The following FMNL2 variants were observed in gnomAD, a reference collection of about 807,000 sequenced individuals.
The protein encoded by FMNL2 is formin like 2, also known as formin-like protein 2.
FMNL2 carries 51 observed loss-of-function variants against 130.2 expected under a neutral mutation model. That is an observed-to-expected ratio of 0.39 (90% CI 0.31 to 0.49). The LOEUF is 0.49. Among genes scored for constraint, FMNL2 ranks in the 20% least tolerant of loss-of-function variants. FMNL2 has a pLI of 0.85. For missense variants in FMNL2, 977 were observed against 1,316.2 expected, an observed-to-expected ratio of 0.74 and a Z score of 3.99; for synonymous variants, 465 against 467.1, an observed-to-expected ratio of 1.00 and a Z score of 0.06.
Position 152,534,618 on chromosome 2 carries a change from C to G in FMNL2, c.202-8121C>G, listed in dbSNP as rs188419470. Among the ~76,000 whole-genome samples the G allele has an allele frequency of 7.9e-3, 1,172 of 149,114 alleles. 7 individuals are homozygous for G. The highest frequency in any genetic ancestry group is 0.015 in the Non-Finnish European group (1,001 of 67,450). On this transcript the variant is annotated intron_variant, in intron 2 of 25. Coordinates refer to ENST00000288670, the MANE Select transcript of FMNL2 (RefSeq NM_052905.4). The stretch of plus-strand genomic sequence containing the variant: ...TTTTGAACTCTGTTCTCTCCCAACC[C>G]CTAATGTTTTATTTGTATGATACAT...
chr2:152,399,815 T>C (rs891097096), intron 1 of FMNL2, among the ~76,000 whole-genome samples: 2 of 152,302 alleles, frequency 1.3e-5, no homozygotes, highest in Non-Finnish European at 2.9e-5. Flanking sequence ...AGTGTTTCTA[T>C]ATGTATTAGA....
chr2:152,602,241 C>G (rs1458274682), intron 9 of FMNL2, among the ~76,000 whole-genome samples: 1 of 152,132 alleles, frequency 6.6e-6, no homozygotes, highest in East Asian at 1.9e-4. Flanking sequence ...AGTCTCTGGT[C>G]CAGGATTGGA....
At chr2:152,562,633 G>A (rs1695593755) in intron 6 of FMNL2, among the ~76,000 whole-genome samples, 1 of 152,164 alleles carries the variant, frequency 6.6e-6, no homozygotes, top group South Asian at 2.1e-4. Context: ...TAAGAGCAGT[G>A]TTTCAATTCA....
At chr2:152,412,447 TATATATATATATATATATA>T (rs1686348910) in intron 1 of FMNL2, among the ~76,000 whole-genome samples, 4 of 8,264 alleles carry the variant, frequency 4.8e-4, no homozygotes, top group Non-Finnish European at 1.3e-3. Context: ...CTGTATATTT[TATATATATATATATATATA>T]TATATATATA....
rs141915638 is a variant in FMNL2 at position 152,353,276 on chromosome 2, A to C, written c.117+17556A>C. Among the ~76,000 whole-genome samples, 44 of 152,330 alleles carry C rather than the reference A, an allele frequency of 2.9e-4. 1 individual carries two copies. The East Asian group carries it at 3.7e-3, about 13-fold the overall frequency. On this transcript the variant is annotated intron_variant, in intron 1 of 25. Coordinates refer to ENST00000288670, the MANE Select transcript of FMNL2 (RefSeq NM_052905.4). Reference sequence around the variant, plus strand: ...CAACTTACTTTGGCTGAAGGTTATAATACATAATTGCATGAATTCTGCTCT... The same window carrying C: ...CAACTTACTTTGGCTGAAGGTTATACTACATAATTGCATGAATTCTGCTCT...
intron 1 of FMNL2, among the ~76,000 whole-genome samples, chr2:152,376,265 C>T (rs139312164): frequency 0.011 from 1,724 of 152,174 alleles, 18 homozygotes; most frequent in Non-Finnish European, 0.014. Flanking sequence ...AGTTGGTGGA[C>T]GTTTAAATTG....
At chr2:152,373,346 G>A (rs1401938632) in intron 1 of FMNL2, among the ~76,000 whole-genome samples, 1 of 152,090 alleles carries the variant, frequency 6.6e-6, no homozygotes, top group African/African-American at 2.4e-5. Flanking sequence ...ATGAACAGTT[G>A]GGGGGAGTTT....
intron 1 of FMNL2, among the ~76,000 whole-genome samples, chr2:152,411,809 C>T (rs1686304763): frequency 6.6e-6 from 1 of 152,140 alleles, no homozygotes; most frequent in Admixed American, 6.5e-5. Flanking sequence ...GCACATGGTA[C>T]CCTTTTATTG....
Position 152,462,663 on chromosome 2 carries a change from C to T in FMNL2, c.118-59280C>T, listed in dbSNP as rs1223257483. 2.0e-5 allele frequency among the ~76,000 whole-genome samples: 3 copies of T among 152,184 alleles called. No homozygotes were observed. The South Asian group carries it at 6.2e-4, about 32-fold the overall frequency. On this transcript the variant is annotated intron_variant, in intron 1 of 25. Coordinates refer to ENST00000288670, the MANE Select transcript of FMNL2 (RefSeq NM_052905.4). Reference sequence around the variant, plus strand: ...TGTGTTTGCTAGATTCCTAAGACTACTACATATATACTCTTAATTGATCAT... The same window carrying T: ...TGTGTTTGCTAGATTCCTAAGACTATTACATATATACTCTTAATTGATCAT...
At chr2:152,376,582 G>A (rs1221417043) in intron 1 of FMNL2, among the ~76,000 whole-genome samples, 1 of 152,196 alleles carries the variant, frequency 6.6e-6, no homozygotes, top group African/African-American at 2.4e-5. Flanking sequence ...GTGCAGTGTG[G>A]CCTTGGGCAA....
intron 1 of FMNL2, among the ~76,000 whole-genome samples, chr2:152,456,346 A>T (rs1263133493): frequency 6.6e-6 from 1 of 152,198 alleles, no homozygotes; most frequent in African/African-American, 2.4e-5. Context: ...AGTGAGTCAG[A>T]AGCAAGAAGA....
At chr2:152,585,920 CAAAAAAAAAAA>C (rs34744900) in intron 9 of FMNL2, among the ~76,000 whole-genome samples, 2 of 130,002 alleles carry the variant, frequency 1.5e-5, no homozygotes, top group Non-Finnish European at 3.3e-5. Context: ...AAAGGTTTGG[CAAAAAAAAAAA>C]AAAAAAATGC....
intron 9 of FMNL2, among the ~76,000 whole-genome samples, chr2:152,589,973 A>G (rs372393945): frequency 0.42 from 16,369 of 39,122 alleles, 1,821 homozygotes; most frequent in Non-Finnish European, 0.44. Flanking sequence ...ATATATATAT[A>G]TATATATATA....
chr2:152,625,051 A>G (rs1173860328), intron 15 of FMNL2: 2 of 165,316 alleles, frequency 1.2e-5, no homozygotes, highest in Non-Finnish European at 2.6e-5. Flanking sequence ...ATGTCCAAAT[A>G]TGGCAAGTTT....
rs55900043 is a variant in FMNL2, at chr2:152,551,781, C to T, written c.359+2684C>T. Among the ~76,000 whole-genome samples, 261 of 152,162 alleles carry T rather than the reference C, an allele frequency of 1.7e-3. 2 individuals carry two copies. The highest frequency in any genetic ancestry group is 6.0e-3 in the African/African-American group (251 of 41,524). ...CTGTATTCCCAGTACTTTGGGAGGCCGAGGCAGGACGATTACTTGAGCCCA... is the reference window on the plus strand; with the variant it reads ...CTGTATTCCCAGTACTTTGGGAGGCTGAGGCAGGACGATTACTTGAGCCCA... On this transcript the variant is annotated intron_variant, in intron 4 of 25. Transcript: ENST00000288670.
chr2:152,592,919 A>C (rs1001719402), intron 9 of FMNL2, among the ~76,000 whole-genome samples: 6 of 152,162 alleles, frequency 3.9e-5, no homozygotes, highest in African/African-American at 1.4e-4. Flanking sequence ...TAGAGATTGG[A>C]TAGATTATTG....
At chr2:152,632,463 C>A (rs574415564) in intron 21 of FMNL2, among the ~76,000 whole-genome samples, 195 of 152,324 alleles carry the variant, frequency 1.3e-3, no homozygotes, top group Non-Finnish European at 2.2e-3. Context: ...CATCACCCAA[C>A]AAACACTTTT....
intron 2 of FMNL2, among the ~76,000 whole-genome samples, chr2:152,534,107 C>G (rs543905554): frequency 3.2e-4 from 49 of 152,274 alleles, no homozygotes; most frequent in African/African-American, 1.2e-3. Flanking sequence ...ATGTTTAAAT[C>G]TGTGCCTAAA....
chr2:152,589,331 A>C lies in FMNL2; in HGVS notation c.876+8282A>C, dbSNP rs77968570. The stretch of plus-strand genomic sequence containing the variant: ...TAAAAAAACAAACAAAAAAAACAAC[A>C]AAAAAAAACCCAGGGTGTTAGGGTG... On this transcript the variant is annotated intron_variant, in intron 9 of 25. Transcript: ENST00000288670. Among the ~76,000 whole-genome samples, 152 of 31,424 alleles carry C rather than the reference A, an allele frequency of 4.8e-3. 1 individual carries two copies. Among genetic ancestry groups the C allele is most frequent in the African/African-American group, 9.1e-3 (143 of 15,776 alleles). The allele number at this position is 31,424 out of a possible 152,430, so 20.6% of individuals were successfully genotyped here.
Sources: allele counts gnomAD v4.1 joint callset (sites outside exome capture counted in the v4.1 genomes callset), GRCh38; gene constraint gnomAD v4.1.1; transcripts MANE v1.5; gene names NCBI Gene and HGNC (gene_info 2026-07-23, HGNC 2026-07-21).